Variants in XG observed in about 807,000 individuals in gnomAD.
The protein encoded by XG is glycoprotein Xg.
In XG, 24 loss-of-function variants were observed where a neutral mutation model predicts 25.7. That is an observed-to-expected ratio of 0.93 (90% confidence interval 0.68 to 1.31). The LOEUF is 1.31. Among genes scored for constraint, XG ranks in the 40% most tolerant of loss-of-function variants. The probability of loss-of-function intolerance (pLI) is 0.00; values close to 1 mark genes in which losing one functional copy is unlikely to be tolerated. For synonymous variants in XG, 77 were observed against 69.2 expected, an observed-to-expected ratio of 1.11 and a Z score of -0.56; for missense variants, 181 against 187.6, an observed-to-expected ratio of 0.96 and a Z score of 0.21.
At chrX:2,801,791 C>T (rs1322706162) in intron 7 of XG, among the ~76,000 whole-genome samples, 1 of 111,053 alleles carries the variant, frequency 9.0e-6, no homozygotes, top group Non-Finnish European at 1.9e-5. Flanking sequence ...TCACTGCAAG[C>T]TCCGCCTCCC....
intron 3 of XG, among the ~76,000 whole-genome samples, chrX:2,779,016 G>A (rs1217494119): frequency 3.9e-5 from 6 of 151,914 alleles, no homozygotes; most frequent in Admixed American, 2.6e-4. Flanking sequence ...TGTCCACCTC[G>A]GTGTCCCAAA....
intron 9 of XG, among the ~76,000 whole-genome samples, chrX:2,810,873 G>A (rs1375358389): frequency 9.0e-5 from 10 of 110,943 alleles, no homozygotes; most frequent in African/African-American, 1.3e-4. Context: ...CTGAGATCAC[G>A]CCACTGTATT....
In XG at chrX:2,810,545, G is replaced by C. The variant is rs769201635; in HGVS notation, c.455-791G>C. On this transcript the variant is annotated intron_variant, in intron 9 of 10. Transcript: ENST00000644266. ...TGTGCCTGTCATCCCAACTACTCAG[G>C]AGGCGGAGGCAGGAGGATCACTTGA... Among the ~76,000 whole-genome samples, 42 of 111,666 alleles carry C rather than the reference G, an allele frequency of 3.8e-4. 1 individual carries two copies. Among genetic ancestry groups the C allele is most frequent in the Middle Eastern group, 4.6e-3 (1 of 219 alleles).
intron 3 of XG, among the ~76,000 whole-genome samples, chrX:2,781,623 T>C (rs777551754): frequency 2.7e-5 from 3 of 112,159 alleles, no homozygotes; most frequent in Admixed American, 9.5e-5. Context: ...ATAAAAACTC[T>C]CTTCCTCCCC....
In XG at chrX:2,774,750, C is replaced by T; in HGVS notation, c.127+11C>T. The T allele has an allele frequency of 6.2e-7, 1 of 1,613,824 alleles. No individual in the cohort carries two copies. Among genetic ancestry groups the T allele is most frequent in the Non-Finnish European group, 8.5e-7 (1 of 1,179,852 alleles). On this transcript the variant is annotated intron_variant, in intron 3 of 10. Coordinates refer to ENST00000644266, the MANE Select transcript of XG (RefSeq NM_001141919.2). Reference sequence around the variant, plus strand: ...AGAAGCCAAACTCAGGTGAGTGTCTCTTCAGCTGGGAAAAACTGAGGCAAC... The same window carrying T: ...AGAAGCCAAACTCAGGTGAGTGTCTTTTCAGCTGGGAAAAACTGAGGCAAC...
chrX:2,777,260 G>A lies in XG; in HGVS notation c.127+2521G>A, dbSNP rs150369696. ...CTGAAGATGAGGCTACCTTCACAGA[G>A]AGGATAAGAAAGGAAGAACTGAGTA... On this transcript the variant is annotated intron_variant, in intron 3 of 10. Transcript: ENST00000644266. 7.4e-3 allele frequency among the ~76,000 whole-genome samples: 1,130 copies of A among 152,300 alleles called. 19 individuals carry two copies. The highest frequency in any genetic ancestry group is 0.026 in the African/African-American group (1,091 of 41,546).
At chrX:2,785,332 C>A (rs770014458) in intron 4 of XG, among the ~76,000 whole-genome samples, 1 of 111,799 alleles carries the variant, frequency 8.9e-6, no homozygotes, top group Non-Finnish European at 1.9e-5. Context: ...CTGTCCCACA[C>A]CTGTGAAGAT....
chrX:2,772,253 G>A (rs1428684422), intron 2 of XG, among the ~76,000 whole-genome samples: 1 of 152,132 alleles, frequency 6.6e-6, no homozygotes, highest in East Asian at 1.9e-4. Context: ...GACTCAAACA[G>A]TTATTTGTGT....
intron 3 of XG, among the ~76,000 whole-genome samples, chrX:2,777,270 A>T (rs1402713310): frequency 1.3e-5 from 2 of 152,228 alleles, no homozygotes; most frequent in Non-Finnish European, 2.9e-5. Context: ...GAGGATAAGA[A>T]AGGAAGAACT....
At chrX:2,765,742 G>A (rs1358576749) in intron 1 of XG, among the ~76,000 whole-genome samples, 9 of 152,218 alleles carry the variant, frequency 5.9e-5, no homozygotes, top group Admixed American at 3.3e-4. Context: ...CCTGTGCTGC[G>A]TGGCAGCTGT....
chrX:2,785,374 T>G (rs1264074124), intron 4 of XG, among the ~76,000 whole-genome samples: 2 of 111,815 alleles, frequency 1.8e-5, no homozygotes, highest in African/African-American at 3.3e-5. Context: ...AGGGTGAAAT[T>G]CCACAGAACT....
chrX:2,797,324 G>A lies in XG; in HGVS notation c.337G>A (p.Gly113Ser), dbSNP rs759941200. Residue 113 changes from glycine to serine, a missense_variant, in exon 7 of 11, where the codon GGC becomes AGC. Physicochemically the swap from Gly to Ser is moderately conservative, Grantham distance 56. Coordinates refer to ENST00000644266, the MANE Select transcript of XG (RefSeq NM_001141919.2). ...CTGTCTAACAGGAGGTGGCGGCGGT[G>A]GCTACTCCAGTTATGGCAACTCCGA... ...PRPPAGGGGGGYSSYGNSDNT... is the reference protein window; with the variant it reads ...PRPPAGGGGGSYSSYGNSDNT... The A allele has an allele frequency of 8.3e-7, 1 of 1,211,104 alleles. No homozygotes were observed. Among genetic ancestry groups the A allele is most frequent in the Non-Finnish European group, 1.1e-6 (1 of 895,285 alleles).
At chrX:2,776,656 A>G (rs1473110974) in intron 3 of XG, among the ~76,000 whole-genome samples, 3 of 152,082 alleles carry the variant, frequency 2.0e-5, no homozygotes, top group African/African-American at 7.2e-5. Flanking sequence ...CAGGTTGGGC[A>G]TTACAGGTGA....
chrX:2,766,996 C>T (rs890773466), intron 1 of XG, among the ~76,000 whole-genome samples: 4 of 151,994 alleles, frequency 2.6e-5, no homozygotes, highest in Admixed American at 6.6e-5. Flanking sequence ...CTAGTTCCTT[C>T]GGTGCCTTAG....
intron 1 of XG, among the ~76,000 whole-genome samples, chrX:2,757,694 G>A (rs753749343): frequency 7.2e-5 from 11 of 151,838 alleles, no homozygotes; most frequent in African/African-American, 1.9e-4. Context: ...GTTGTGGGCC[G>A]GGCACAGTGG....
intron 8 of XG, among the ~76,000 whole-genome samples, chrX:2,807,889 C>G (rs1457262085): frequency 8.9e-6 from 1 of 111,909 alleles, no homozygotes; most frequent in Non-Finnish European, 1.9e-5. Flanking sequence ...GGGTTGTCAG[C>G]CTGTGTGTGT....
chrX:2,809,637 T>C (rs2087035591), intron 9 of XG, among the ~76,000 whole-genome samples: 1 of 112,630 alleles, frequency 8.9e-6, no homozygotes, highest in South Asian at 3.7e-4. Context: ...ATGTTCGTGA[T>C]TATGTGAGTC....
intron 7 of XG, among the ~76,000 whole-genome samples, chrX:2,803,567 G>C (rs1160822815): frequency 9.1e-6 from 1 of 109,550 alleles, no homozygotes; most frequent in Non-Finnish European, 1.9e-5. Flanking sequence ...GAAGTGGGGA[G>C]GGCTGATTGG....
At position 2,782,804 on chromosome X, in the gene XG, A is replaced by T. The variant is rs768329511; in HGVS notation, c.190+676A>T. Among the ~76,000 whole-genome samples, 22 of 111,783 alleles carry T rather than the reference A, an allele frequency of 2.0e-4. No homozygotes were observed. In the South Asian group the frequency reaches 8.0e-3, roughly 40 times the overall value. Reference sequence around the variant, plus strand: ...GACTCTTGCAGCCAGAGGCTGCACGAGCCCTAAAGTGTAATTTCTAATCTT... The same window carrying T: ...GACTCTTGCAGCCAGAGGCTGCACGTGCCCTAAAGTGTAATTTCTAATCTT... On this transcript the variant is annotated intron_variant, in intron 4 of 10. Transcript: ENST00000644266.
Sources: gnomAD v4.1 joint callset for allele counts (sites outside exome capture counted in the v4.1 genomes callset) on GRCh38, gnomAD v4.1.1 for gene constraint, MANE v1.5 for transcripts, NCBI Gene and HGNC (gene_info 2026-07-23, HGNC 2026-07-21) for gene names.